COL22A1: variants seen among roughly 807,000 people sequenced by gnomAD.
The protein encoded by COL22A1 is collagen alpha-1(XXII) chain.
COL22A1 carries 221 observed loss-of-function variants against 248.9 expected under a neutral mutation model. The ratio of observed to expected loss-of-function variants is 0.89; its 90% confidence interval spans 0.80 to 0.99. The LOEUF (loss-of-function observed/expected upper bound fraction) is 0.99. COL22A1 is among the 50% of genes least tolerant of loss of function. The pLI is 0.00. For synonymous variants in COL22A1, 891 were observed against 793.4 expected (o/e 1.12, Z -2.07); for missense variants, 2,240 against 2,179.0 (o/e 1.03, Z -0.56).
intron 4 of COL22A1, among the ~76,000 whole-genome samples, chr8:138,843,506 G>A (rs1821028620): frequency 6.6e-6 from 1 of 152,206 alleles, no homozygotes; most frequent in South Asian, 2.1e-4. Context: ...TGAGCAGGGT[G>A]CCCGGCCACA....
chr8:138,814,512 A>T (rs555924563), intron 7 of COL22A1, among the ~76,000 whole-genome samples: 1 of 152,324 alleles, frequency 6.6e-6, no homozygotes, highest in East Asian at 1.9e-4. Flanking sequence ...TACTCAGTGG[A>T]CAGGCACAGG....
chr8:138,818,221 T>C (rs1036100828), intron 7 of COL22A1, among the ~76,000 whole-genome samples: 7 of 152,280 alleles, frequency 4.6e-5, no homozygotes. Context: ...GGTATCTGCT[T>C]CAGGGACTGT....
At chr8:138,813,109 C>A in intron 7 of COL22A1, 90 bp from the exon 8 acceptor site, 1 of 926,716 alleles carries the variant, frequency 1.1e-6, no homozygotes, top group Admixed American at 1.8e-5. Flanking sequence ...GTCCTGGTAT[C>A]TGGTTCCACT....
chr8:138,596,413 A>G (rs1186663546), intron 62 of COL22A1, among the ~76,000 whole-genome samples: 1 of 152,148 alleles, frequency 6.6e-6, no homozygotes, highest in Admixed American at 6.5e-5. Flanking sequence ...GCCTTCATTA[A>G]TCCACTCCCT....
chr8:138,605,358 T>C (rs1244645065), intron 58 of COL22A1, among the ~76,000 whole-genome samples: 3 of 152,204 alleles, frequency 2.0e-5, no homozygotes, highest in Non-Finnish European at 2.9e-5. Context: ...CCCACTCTTA[T>C]CATGACTCAG....
At chr8:138,664,291 C>T (rs1212385042) in intron 41 of COL22A1, among the ~76,000 whole-genome samples, 1 of 150,946 alleles carries the variant, frequency 6.6e-6, no homozygotes, top group Non-Finnish European at 1.5e-5. Context: ...CTGGCATCCT[C>T]CACTGTGCCC....
intron 5 of COL22A1, chr8:138,827,397 G>C (rs558531730): frequency 6.4e-6 from 1 of 155,324 alleles, no homozygotes; most frequent in African/African-American, 2.4e-5. Flanking sequence ...CACCATGTGA[G>C]AGTACAGGGA....
intron 30 of COL22A1, among the ~76,000 whole-genome samples, chr8:138,704,813 C>A (rs920924822): frequency 1.3e-5 from 2 of 152,158 alleles, no homozygotes; most frequent in Non-Finnish European, 2.9e-5. Context: ...TTCAGACGAT[C>A]GGTAATAACA....
At chr8:138,637,359 G>A (rs1821282833) in intron 47 of COL22A1, among the ~76,000 whole-genome samples, 1 of 152,140 alleles carries the variant, frequency 6.6e-6, no homozygotes, top group African/African-American at 2.4e-5. Flanking sequence ...GGGAAGCTTT[G>A]GAAGAATTTA....
intron 26 of COL22A1, 152 bp downstream of exon 26, chr8:138,721,884 C>T (rs1207411646): frequency 9.9e-6 from 7 of 708,620 alleles, no homozygotes; most frequent in Non-Finnish European, 1.8e-5. Context: ...GGAGCCTTCC[C>T]CCATCTGACC....
At chr8:138,868,052 C>A (rs544529556) in intron 3 of COL22A1, among the ~76,000 whole-genome samples, 1 of 152,142 alleles carries the variant, frequency 6.6e-6, no homozygotes, top group Admixed American at 6.5e-5. Flanking sequence ...CATGAGCCAC[C>A]GCACCCGGCC....
At chr8:138,671,865 T>C (rs1276675780) in intron 41 of COL22A1, among the ~76,000 whole-genome samples, 1 of 152,218 alleles carries the variant, frequency 6.6e-6, no homozygotes, top group Admixed American at 6.5e-5. Context: ...TCCTTATGAT[T>C]TTTTTCATAA....
intron 48 of COL22A1, among the ~76,000 whole-genome samples, chr8:138,635,761 G>A (rs1455443581): frequency 6.6e-6 from 1 of 151,930 alleles, no homozygotes; most frequent in Non-Finnish European, 1.5e-5. Flanking sequence ...ATTCAATGTA[G>A]AGTACATTGC....
At chr8:138,610,031 C>T (rs1818736118) in intron 56 of COL22A1, among the ~76,000 whole-genome samples, 1 of 152,232 alleles carries the variant, frequency 6.6e-6, no homozygotes, top group African/African-American at 2.4e-5. Flanking sequence ...ACAAGGACTT[C>T]TAGCACACAT....
intron 3 of COL22A1, among the ~76,000 whole-genome samples, chr8:138,856,105 A>C (rs1182795393): frequency 6.6e-6 from 1 of 152,206 alleles, no homozygotes; most frequent in African/African-American, 2.4e-5. Context: ...GCTCATTAGC[A>C]GCTCCAGAAA....
chr8:138,660,369 G>T (rs1823707882), intron 44 of COL22A1, 67 bp downstream of exon 44: 4 of 1,396,070 alleles, frequency 2.9e-6, no homozygotes, highest in African/African-American at 1.4e-5. Context: ...TTTCTGAGTT[G>T]CATTTTTTCT....
At position 138,665,292 on chromosome 8, in the gene COL22A1, G is replaced by T. The variant is rs1451225145; in HGVS notation, c.3151-1552C>A. Among the ~76,000 whole-genome samples, 4 of 152,184 alleles carry T rather than the reference G, an allele frequency of 2.6e-5. No homozygotes were observed. In the East Asian group the frequency reaches 7.7e-4, roughly 29 times the overall value. ...AGGAAGCGAGGCTGGAAGCCCTTTT[G>T]ATCAGTAAGTTGAAACTCAGAACAG... On this transcript the variant is annotated intron_variant, in intron 41 of 64. Transcript: ENST00000303045.
At chr8:138,685,595 G>A (rs1221890605) in intron 37 of COL22A1, among the ~76,000 whole-genome samples, 1 of 152,144 alleles carries the variant, frequency 6.6e-6, no homozygotes, top group East Asian at 1.9e-4. Flanking sequence ...CCTCCCCAAT[G>A]GTCCTAATCC....
At chr8:138,774,563 C>T (rs146704850) in intron 16 of COL22A1, among the ~76,000 whole-genome samples, 9,050 of 151,874 alleles carry the variant, frequency 0.06, 640 homozygotes, top group African/African-American at 0.17. Context: ...GGACTACAGG[C>T]GCCCGCCACC....
Sources: gnomAD v4.1 joint callset for allele counts (sites outside exome capture counted in the v4.1 genomes callset) on GRCh38, gnomAD v4.1.1 for gene constraint, MANE v1.5 for transcripts, NCBI Gene and HGNC (gene_info 2026-07-23, HGNC 2026-07-21) for gene names.